Variants in OTOGL observed in about 807,000 individuals in gnomAD.
OTOGL encodes the protein otogelin-like protein.
In OTOGL, 285 loss-of-function variants were observed where a neutral mutation model predicts 318.5. The observed-to-expected ratio is 0.89, with a 90% CI of 0.81 to 0.99. The LOEUF (loss-of-function observed/expected upper bound fraction) is 0.99, where lower values mean the gene tolerates loss of function less well. OTOGL is among the 50% of genes least tolerant of loss of function. The pLI is 0.00. For synonymous variants in OTOGL, 987 were observed against 936.5 expected (o/e 1.05, Z -0.99); for missense variants, 2,899 against 2,845.6 (o/e 1.02, Z -0.43).
At chr12:80,276,324 G>A (rs1017278947) in intron 24 of OTOGL, among the ~76,000 whole-genome samples, 2 of 151,806 alleles carry the variant, frequency 1.3e-5, no homozygotes, top group African/African-American at 4.8e-5. Context: ...TTAGGGGACT[G>A]TCACTAGGAT....
At chr12:80,264,769 A>T (rs1223448862) in intron 19 of OTOGL, among the ~76,000 whole-genome samples, 1 of 150,568 alleles carries the variant, frequency 6.6e-6, no homozygotes, top group African/African-American at 2.4e-5. Context: ...TCTATTACTC[A>T]TGTTATTCAG....
At chr12:80,269,496 G>T (rs1327701454) in intron 22 of OTOGL, among the ~76,000 whole-genome samples, 1 of 152,124 alleles carries the variant, frequency 6.6e-6, no homozygotes, top group Non-Finnish European at 1.5e-5. Context: ...TAAAATCTTA[G>T]CATCTTCTAG....
At chr12:80,328,199 G>A (rs1164003084) in intron 35 of OTOGL, among the ~76,000 whole-genome samples, 5 of 151,722 alleles carry the variant, frequency 3.3e-5, no homozygotes, top group Admixed American at 1.3e-4. Context: ...CATGCCTGTA[G>A]TCCAAGCTAC....
intron 1 of OTOGL, chr12:80,131,979 G>A (rs1415156173): frequency 6.6e-6 from 1 of 152,150 alleles, no homozygotes; most frequent in Non-Finnish European, 1.5e-5. Flanking sequence ...AATGTTTCAT[G>A]TCCTTCATCA....
intron 22 of OTOGL, among the ~76,000 whole-genome samples, chr12:80,267,896 G>A (rs1166165205): frequency 6.6e-6 from 1 of 151,608 alleles, no homozygotes; most frequent in South Asian, 2.1e-4. Flanking sequence ...AAAGTCCTTT[G>A]ATCATTTTTT....
chr12:80,201,350 C>A (rs1219427520), intron 1 of OTOGL, among the ~76,000 whole-genome samples: 1 of 152,118 alleles, frequency 6.6e-6, no homozygotes, highest in Non-Finnish European at 1.5e-5. Flanking sequence ...CCTCAGGAAG[C>A]TTCCAATCAT....
chr12:80,256,508 A>ACAAAC lies in OTOGL; in HGVS notation c.1711+49_1711+53dup, dbSNP rs531059146. ...TACTTTCTTTACATCAAACAAACAA[A>ACAAAC]CAAACAAACAAACAACACACGCAAA... On this transcript the variant is annotated intron_variant, in intron 17 of 58. Transcript: ENST00000547103. 5.1e-4 allele frequency: 779 copies of ACAAAC among 1,514,400 alleles called. 6 individuals carry two copies. The African/African-American group carries it at 9.8e-3, about 19-fold the overall frequency. The allele number at this position is 1,514,400 out of a possible 1,614,324, so 93.8% of individuals were successfully genotyped here.
At chr12:80,154,510 A>G (rs1251105221) in intron 1 of OTOGL, among the ~76,000 whole-genome samples, 2 of 151,176 alleles carry the variant, frequency 1.3e-5, no homozygotes, top group Non-Finnish European at 2.9e-5. Flanking sequence ...GTCCTATAAA[A>G]CCTCCCCTTT....
chr12:80,285,932 G>T (rs1258830253), intron 26 of OTOGL, among the ~76,000 whole-genome samples: 1 of 152,118 alleles, frequency 6.6e-6, no homozygotes, highest in Non-Finnish European at 1.5e-5. Context: ...GTAAGAGGGG[G>T]CATCCTTGTC....
At chr12:80,225,444 A>G (rs1878746378) in intron 7 of OTOGL, among the ~76,000 whole-genome samples, 1 of 152,122 alleles carries the variant, frequency 6.6e-6, no homozygotes. Flanking sequence ...ATTTTCTTTC[A>G]AATAAATACA....
At chr12:80,249,245 G>A (rs1342871280) in intron 11 of OTOGL, among the ~76,000 whole-genome samples, 3 of 150,384 alleles carry the variant, frequency 2.0e-5, no homozygotes, top group East Asian at 1.9e-4. Context: ...GGCGCTCTGC[G>A]TTTTAGAGTT....
chr12:80,253,032 T>C lies in OTOGL; in HGVS notation c.1286-434T>C, dbSNP rs546595653. ...ACCTCCTTTACCTGTCAGACAGCAG[T>C]AACAAATGCAGTCGCATGGTCTTGG... On this transcript the variant is annotated intron_variant, in intron 13 of 58. Coordinates refer to ENST00000547103, the MANE Select transcript of OTOGL (RefSeq NM_001378609.3). Among the ~76,000 whole-genome samples the C allele has an allele frequency of 1.4e-3, 219 of 152,330 alleles. 1 individual carries two copies. The highest frequency in any genetic ancestry group is 4.5e-3 in the African/African-American group (189 of 41,574).
rs1882865072 is a variant in OTOGL at position 80,265,257 on chromosome 12, A to T, written c.2224+47A>T. ...AAGACTATCAGATAATACCTTAGAG[A>T]CCTCTATGTTTGTAATGACTGCTTT... On this transcript the variant is annotated intron_variant, in intron 20 of 58. Transcript: ENST00000547103. The T allele has an allele frequency of 3.9e-6, 6 of 1,520,416 alleles. No homozygotes were observed. The Middle Eastern group carries it at 6.4e-4, about 163-fold the overall frequency. 94.2% of individuals were successfully genotyped at this position (1,520,416 alleles called of 1,614,324 possible).
At position 80,353,466 on chromosome 12, in the gene OTOGL, T is replaced by G. The variant is rs1365418752; in HGVS notation, c.5549T>G (p.Leu1850Arg). Residue 1850 changes from leucine (L) to arginine (R), a missense_variant, in exon 46 of 59, where the codon CTT (leucine) becomes CGT (arginine). Leu to Arg is a moderately radical substitution (Grantham distance 102). Transcript: ENST00000547103. ...EDCVCKVGTI[L>R]HRPHSAQCIP... ...TGTGTGTGCAAAGTTGGAACTATTC[T>G]TCACAGGCCACATTCAGCCCAGTGC... 1 of 1,600,724 alleles carries G rather than the reference T, an allele frequency of 6.2e-7. No homozygotes were observed. Among genetic ancestry groups the G allele is most frequent in the Non-Finnish European group, 8.5e-7 (1 of 1,173,062 alleles).
intron 1 of OTOGL, among the ~76,000 whole-genome samples, chr12:80,138,868 G>A (rs1486005654): frequency 6.6e-6 from 1 of 152,072 alleles, no homozygotes; most frequent in African/African-American, 2.4e-5. Context: ...AAATGAATTG[G>A]TGGATGGATG....
rs189879814 is a variant in OTOGL, at chr12:80,327,606, G to A, written c.4200-1059G>A. On this transcript the variant is annotated intron_variant, in intron 35 of 58. Transcript: ENST00000547103. The stretch of plus-strand genomic sequence containing the variant: ...ATTCTGTATTTGTTCTACAAACACC[G>A]TCAAGGCAATGATAGTGTCAAAGAG... Among the ~76,000 whole-genome samples, 10 of 151,896 alleles carry A rather than the reference G, an allele frequency of 6.6e-5. No individual in the cohort carries two copies. The East Asian group carries it at 9.8e-4, about 15-fold the overall frequency.
Position 80,232,927 on chromosome 12 carries a change from T to C in OTOGL, c.647T>C (p.Ile216Thr), listed in dbSNP as rs751591512. ...TLPQTIGQIF[I>T]EKLADYILVK... ...CCTCAGACAATTGGACAGATTTTCA[T>C]TGAGAAACTAGCTGACTACATTCTT... Residue 216 changes from isoleucine (I) to threonine (T), a missense_variant, in exon 9 of 59, where the codon ATT (isoleucine) becomes ACT (threonine). Transcript: ENST00000547103. 7 of 1,599,082 alleles carry C rather than the reference T, an allele frequency of 4.4e-6. No homozygotes were observed. Among genetic ancestry groups the C allele is most frequent in the African/African-American group, 2.7e-5 (2 of 74,932 alleles).
chr12:80,320,525 C>T lies in OTOGL; in HGVS notation c.3906C>T (p.Ala1302=). 1 of 1,613,620 alleles carries T rather than the reference C, an allele frequency of 6.2e-7. No individual in the cohort carries two copies. ...LSLELWEANS[A]FHRRATFFHH... ...TGGAGCTGTGGGAGGCGAATTCAGC[C>T]TTTCATCGGAGAGCAACATTTTTCC... The change falls in exon 34 of 59, where the codon GCC becomes GCT. Residue 1302 remains alanine, a synonymous_variant. Transcript: ENST00000547103.
In OTOGL at chr12:80,350,241, T is replaced by A. The variant is rs564249656; in HGVS notation, c.5266-2054T>A. 3.3e-5 allele frequency among the ~76,000 whole-genome samples: 5 copies of A among 152,346 alleles called. No individual in the cohort carries two copies. The South Asian group carries it at 1.0e-3, about 32-fold the overall frequency. ...TGTCACAAATTACAGGATTTCATTC[T>A]TTTTAAAGTATAAATAATATTCCAT... On this transcript the variant is annotated intron_variant, in intron 44 of 58. Coordinates refer to ENST00000547103, the MANE Select transcript of OTOGL (RefSeq NM_001378609.3).
Sources: allele counts gnomAD v4.1 joint callset (sites outside exome capture counted in the v4.1 genomes callset), GRCh38; gene constraint gnomAD v4.1.1; transcripts MANE v1.5; gene names NCBI Gene and HGNC (gene_info 2026-07-23, HGNC 2026-07-21).